Variants in GNG7 observed in about 807,000 individuals in gnomAD.
The protein encoded by GNG7 is guanine nucleotide-binding protein G(I)/G(S)/G(O) subunit gamma-7.
Under a neutral mutation model 4.0 loss-of-function variants are expected in GNG7, and 1 was observed. The observed-to-expected ratio is 0.25, with a 90% CI of 0.09 to 1.18. GNG7 has a LOEUF of 1.18. Among genes scored for constraint, GNG7 ranks in the 50% most tolerant of loss-of-function variants. GNG7 has a pLI of 0.50. For missense variants in GNG7, 86 were observed against 91.9 expected (o/e 0.94, Z 0.26); for synonymous variants, 34 against 36.9 (o/e 0.92, Z 0.29).
At chr19:2,692,652 A>C (rs1274084032) in intron 1 of GNG7, among the ~76,000 whole-genome samples, 2 of 149,848 alleles carry the variant, frequency 1.3e-5, no homozygotes, top group Non-Finnish European at 3.0e-5. Flanking sequence ...AAAAAAAAGA[A>C]GGCCAGGGGC....
At chr19:2,553,169 C>G (rs1048695508) in intron 3 of GNG7, among the ~76,000 whole-genome samples, 1 of 146,786 alleles carries the variant, frequency 6.8e-6, no homozygotes, top group Non-Finnish European at 1.5e-5. Flanking sequence ...GATAACTACA[C>G]GCAGAAACGA....
chr19:2,691,721 G>A (rs1451217384), intron 1 of GNG7, among the ~76,000 whole-genome samples: 1 of 151,846 alleles, frequency 6.6e-6, no homozygotes, highest in African/African-American at 2.4e-5. Context: ...ACCAAAATTA[G>A]CTGGGCGTGG....
At chr19:2,580,184 TG>T (rs1011499069) in intron 2 of GNG7, among the ~76,000 whole-genome samples, 27 of 152,104 alleles carry the variant, frequency 1.8e-4, no homozygotes, top group Admixed American at 6.5e-5. Context: ...GTCCCAGTCC[TG>T]GCCCCCGACA....
At chr19:2,627,202 G>A (rs907149212) in intron 2 of GNG7, among the ~76,000 whole-genome samples, 6 of 151,880 alleles carry the variant, frequency 4.0e-5, no homozygotes, top group East Asian at 1.9e-4. Flanking sequence ...CCCAGGGGAC[G>A]CTGGGTGATG....
Position 2,514,974 on chromosome 19 carries a change from G to C in GNG7, c.*48C>G, listed in dbSNP as rs778969270. The C allele has an allele frequency of 9.3e-5, 134 of 1,445,380 alleles. No individual in the cohort carries two copies. Among genetic ancestry groups the C allele is most frequent in the South Asian group, 5.3e-4 (46 of 87,112 alleles). 89.5% of individuals were successfully genotyped at this position (1,445,380 alleles called of 1,614,324 possible). ...CCTGAGACAGAGACAGAGACAGAGA[G>C]AGAGAGAGAGAAAGAGAGAGAGAGA... On this transcript the variant is annotated 3_prime_UTR_variant, in exon 5 of 5. Coordinates refer to ENST00000382159, the MANE Select transcript of GNG7 (RefSeq NM_052847.3).
intron 2 of GNG7, among the ~76,000 whole-genome samples, chr19:2,623,648 AGGCAGGT>A (rs1325717679): frequency 2.0e-5 from 3 of 152,184 alleles, no homozygotes; most frequent in African/African-American, 7.2e-5. Flanking sequence ...TGGGAGGCCA[AGGCAGGT>A]GGATCACTTG....
At chr19:2,567,331 T>TTGTGTGTG (rs3221748) in intron 2 of GNG7, among the ~76,000 whole-genome samples, 105 of 137,226 alleles carry the variant, frequency 7.7e-4, no homozygotes, top group East Asian at 5.9e-3. Flanking sequence ...TGTCGTCGAT[T>TTGTGTGTG]TGTGTGTGTG....
chr19:2,643,559 C>A (rs1262657196), intron 2 of GNG7: 1 of 382,880 alleles, frequency 2.6e-6, no homozygotes, highest in African/African-American at 2.5e-5. Context: ...ATGCAAAGTC[C>A]GAGACCTCTC....
At chr19:2,562,400 C>T (rs1355983296) in intron 2 of GNG7, among the ~76,000 whole-genome samples, 1 of 152,134 alleles carries the variant, frequency 6.6e-6, no homozygotes, top group African/African-American at 2.4e-5. Context: ...TCTCCTGCCT[C>T]AGCCTCCCAA....
At chr19:2,678,434 A>T (rs1433048660) in intron 1 of GNG7, among the ~76,000 whole-genome samples, 1 of 152,214 alleles carries the variant, frequency 6.6e-6, no homozygotes, top group East Asian at 1.9e-4. Context: ...TCAAAAAAGT[A>T]ACAGAGGAAA....
At chr19:2,644,781 A>G (rs779003263) in intron 2 of GNG7, among the ~76,000 whole-genome samples, 14 of 152,148 alleles carry the variant, frequency 9.2e-5, no homozygotes, top group African/African-American at 2.9e-4. Context: ...GTACATCCAC[A>G]CTGTGGCCTG....
chr19:2,690,173 G>T (rs1444351060), intron 1 of GNG7, among the ~76,000 whole-genome samples: 1 of 152,050 alleles, frequency 6.6e-6, no homozygotes. Flanking sequence ...CTTGAGGTCA[G>T]GAGTTCGAGA....
At position 2,615,629 on chromosome 19, in the gene GNG7, A is replaced by T. The variant is rs544221746; in HGVS notation, c.-78+30595T>A. Among the ~76,000 whole-genome samples the T allele has an allele frequency of 1.1e-4, 16 of 149,536 alleles. No homozygotes were observed. The South Asian group carries it at 2.7e-3, about 25-fold the overall frequency. On this transcript the variant is annotated intron_variant, in intron 2 of 4. Transcript: ENST00000382159. The stretch of plus-strand genomic sequence containing the variant: ...AGGCACCCACCACCACGCCTGGCTA[A>T]TTTTTTTGTATTTTTAGTAGACATG...
At chr19:2,688,496 G>A (rs901687378) in intron 1 of GNG7, among the ~76,000 whole-genome samples, 6 of 152,152 alleles carry the variant, frequency 3.9e-5, no homozygotes, top group African/African-American at 1.4e-4. Context: ...TCACCCCTAC[G>A]TGTTCTTTCC....
Position 2,624,664 on chromosome 19 carries a change from A to G in GNG7, c.-78+21560T>C, listed in dbSNP as rs192174023. ...ACAGCAGGCCTCTCGTCTCCGGAGC[A>G]GTGACTGTGACCTGTTGCCAGCCCT... On this transcript the variant is annotated intron_variant, in intron 2 of 4. Coordinates refer to ENST00000382159, the MANE Select transcript of GNG7 (RefSeq NM_052847.3). 3.7e-3 allele frequency among the ~76,000 whole-genome samples: 558 copies of G among 152,186 alleles called. 5 individuals carry two copies. Among genetic ancestry groups the G allele is most frequent in the African/African-American group, 0.013 (533 of 41,560 alleles).
intron 2 of GNG7, among the ~76,000 whole-genome samples, chr19:2,571,300 G>A (rs1256200129): frequency 1.3e-5 from 2 of 152,176 alleles, no homozygotes; most frequent in Non-Finnish European, 2.9e-5. Flanking sequence ...TGTCGGAACC[G>A]AGAAGGTGCT....
intron 1 of GNG7, among the ~76,000 whole-genome samples, chr19:2,652,989 T>C (rs192692433): frequency 5.1e-4 from 77 of 151,768 alleles, no homozygotes; most frequent in Admixed American, 1.4e-3. Flanking sequence ...TTGCTGGGCA[T>C]GGTGGCTCCA....
At chr19:2,688,277 T>G (rs1030219217) in intron 1 of GNG7, among the ~76,000 whole-genome samples, 1 of 152,150 alleles carries the variant, frequency 6.6e-6, no homozygotes, top group East Asian at 1.9e-4. Context: ...GAAATCATGA[T>G]GCAAAGATGA....
At position 2,611,531 on chromosome 19, in the gene GNG7, A is replaced by C. The variant is rs991379126; in HGVS notation, c.-78+34693T>G. 1 of 152,196 alleles carries C rather than the reference A, an allele frequency of 6.6e-6. No individual in the cohort carries two copies. The highest frequency in any genetic ancestry group is 1.9e-4 in the East Asian group (1 of 5,192). The allele number at this position is 152,196 out of a possible 1,614,324, so 9.4% of individuals were successfully genotyped here. A position where few individuals can be genotyped will look rare whatever the true frequency, so the allele number is the denominator to read the frequency against. On this transcript the variant is annotated intron_variant, in intron 2 of 4. Coordinates refer to ENST00000382159, the MANE Select transcript of GNG7 (RefSeq NM_052847.3). This position sits in a 1 kb window ranked among gnomAD's most constrained non-coding sequence, Gnocchi z 6.0. ...GAATCTATTTAATGATTTATTTGAT[A>C]ATACCATTTAAAAATATCTCTTAGG...
Sources: allele counts gnomAD v4.1 joint callset (sites outside exome capture counted in the v4.1 genomes callset), GRCh38; gene constraint gnomAD v4.1.1; non-coding constraint Gnocchi (gnomAD v3.1); transcripts MANE v1.5; gene names NCBI Gene and HGNC (gene_info 2026-07-23, HGNC 2026-07-21).